The following TP53BP1 variants were observed in gnomAD, a reference collection of about 807,000 sequenced individuals.
TP53BP1 encodes the protein tumor protein p53 binding protein 1, also known as TP53-binding protein 1.
A neutral mutation model predicts 200.8 loss-of-function variants in TP53BP1; 61 were observed. That is an observed-to-expected ratio of 0.30 (90% CI 0.25 to 0.38). The LOEUF is 0.38. Ranked by LOEUF, TP53BP1 falls within the 10% of genes least tolerant of loss-of-function variation. The pLI, the probability that TP53BP1 is intolerant of heterozygous loss-of-function variation, is 1.00. For missense variants in TP53BP1, 2,144 were observed against 2,371.9 expected, an observed-to-expected ratio of 0.90 and a Z score of 2.00; for synonymous variants, 822 against 844.3, an observed-to-expected ratio of 0.97 and a Z score of 0.46.
At chr15:43,494,257 G>A (rs963688573), upstream of TP53BP1, among the ~76,000 whole-genome samples, 2 of 152,080 alleles carry the variant, frequency 1.3e-5, no homozygotes, top group Non-Finnish European at 2.9e-5. Flanking sequence ...GATTTATTTC[G>A]GCACAGCCCA....
intron 10 of TP53BP1, among the ~76,000 whole-genome samples, chr15:43,471,570 G>A (rs1270048414): frequency 1.3e-5 from 2 of 151,952 alleles, no homozygotes; most frequent in African/African-American, 4.8e-5. Context: ...GGGATTACAG[G>A]CACCCGCCAC....
At chr15:43,502,617 A>ATTTTTT (rs776534479) in intron 1 of TP53BP1, among the ~76,000 whole-genome samples, 1 of 137,974 alleles carries the variant, frequency 7.2e-6, no homozygotes, top group Non-Finnish European at 1.6e-5. Context: ...ACCACGACCT[A>ATTTTTT]TTTTTTTTTT....
At chr15:43,459,949 G>A (rs751653843) in intron 11 of TP53BP1, among the ~76,000 whole-genome samples, 2 of 152,154 alleles carry the variant, frequency 1.3e-5, no homozygotes, top group Non-Finnish European at 2.9e-5. Context: ...GCGGGAGAAG[G>A]GAGTATACTG....
Position 43,456,050 on chromosome 15 carries a change from T to TGGA in TP53BP1, c.2557_2558insTCC (p.Asp852_Gln853insLeu), listed in dbSNP as rs1422961964. 2 of 1,614,214 alleles carry TGGA rather than the reference T, an allele frequency of 1.2e-6. No individual in the cohort carries two copies. The highest frequency in any genetic ancestry group is 1.7e-6 in the Non-Finnish European group (2 of 1,180,040). On this transcript the variant is annotated inframe_insertion, in exon 12 of 28. Transcript: ENST00000382044. The stretch of plus-strand genomic sequence containing the variant: ...CTGAGTTTGGGGCTGCTGCAACTCC[T>TGGA]GGTCAAGTCTTAAAGGATCATCTGC...
chr15:43,450,616 A>G (rs2046143794), intron 12 of TP53BP1, among the ~76,000 whole-genome samples: 1 of 152,194 alleles, frequency 6.6e-6, no homozygotes, highest in Admixed American at 6.5e-5. Context: ...TCTGTGTTGA[A>G]CAAGATTGGG....
intron 1 of TP53BP1, among the ~76,000 whole-genome samples, chr15:43,501,350 A>G (rs1211553935): frequency 6.6e-6 from 1 of 151,608 alleles, no homozygotes; most frequent in Non-Finnish European, 1.5e-5. Flanking sequence ...CGGGGCTGGG[A>G]CTACAGGTAT....
chr15:43,478,017 C>T (rs1327878161), intron 7 of TP53BP1, among the ~76,000 whole-genome samples: 1 of 152,176 alleles, frequency 6.6e-6, no homozygotes, highest in Non-Finnish European at 1.5e-5. Context: ...TTCATGCTTT[C>T]TAAGATTTCT....
intron 23 of TP53BP1, 147 bp downstream of exon 23, chr15:43,415,447 T>C (rs2045241697): frequency 8.6e-6 from 7 of 813,580 alleles, no homozygotes; most frequent in Non-Finnish European, 1.5e-5. Flanking sequence ...GAGCTGTCCC[T>C]GAATATCACC....
intron 1 of TP53BP1, among the ~76,000 whole-genome samples, chr15:43,510,188 G>C (rs897957643): frequency 1.3e-5 from 2 of 151,222 alleles, no homozygotes; most frequent in African/African-American, 4.9e-5. Flanking sequence ...AGGGGGGGAA[G>C]TAATACAACA....
chr15:43,408,275 C>T lies in TP53BP1; in HGVS notation c.5601-187G>A, dbSNP rs147527623. The T allele has an allele frequency of 1.7e-3, 1,006 of 575,144 alleles. 6 individuals carry two copies. The highest frequency in any genetic ancestry group is 0.016 in the African/African-American group (841 of 52,942). 35.6% of individuals were successfully genotyped at this position (575,144 alleles called of 1,614,324 possible). On this transcript the variant is annotated intron_variant, in intron 26 of 27. Coordinates refer to ENST00000382044, the MANE Select transcript of TP53BP1 (RefSeq NM_001141980.3). ...GTTGGATCTCTTGGGCCTGGGAGTT[C>T]GAGACCAGCCTGGGCAATGTGGTGA...
In TP53BP1 at chr15:43,456,344, G is replaced by A. The variant is rs745362536; in HGVS notation, c.2264C>T (p.Thr755Ile). The A allele has an allele frequency of 3.7e-6, 6 of 1,612,572 alleles. No homozygotes were observed. In the South Asian group the frequency reaches 6.6e-5, roughly 18 times the overall value. ...HKEQEAWEEA[T>I]SEDSSVVIVD... ...AATGACAACACTGGAGTCCTCTGAA[G>A]TAGCTTCTTCCCAAGCTTCCTGTTC... is the stretch of plus-strand genomic sequence containing the variant. Residue 755 changes from threonine (T) to isoleucine (I), a missense_variant, in exon 12 of 28, where the codon ACT becomes ATT. This residue lies in a region of TP53BP1 where 1,700 missense variants were observed against 1,710.3 expected (regional missense o/e 0.99). Transcript: ENST00000382044.
chr15:43,415,057 G>A (rs901130915), intron 23 of TP53BP1, among the ~76,000 whole-genome samples: 2 of 152,130 alleles, frequency 1.3e-5, no homozygotes, highest in African/African-American at 4.8e-5. Flanking sequence ...GCACAAGAGA[G>A]AGGGGAGCAG....
chr15:43,451,884 C>A (rs560526108), intron 12 of TP53BP1, among the ~76,000 whole-genome samples: 1 of 152,102 alleles, frequency 6.6e-6, no homozygotes, highest in African/African-American at 2.4e-5. Context: ...CCTGTAATCC[C>A]GGCACTTTGA....
At chr15:43,510,345 T>A (rs1328507237) in intron 1 of TP53BP1, 2 of 152,460 alleles carry the variant, frequency 1.3e-5, no homozygotes, top group African/African-American at 2.4e-5. Flanking sequence ...GCCAGCCAAC[T>A]GCTATCTTCA....
Position 43,491,994 on chromosome 15 carries a change from C to T in TP53BP1, c.286+8G>A. ...TGCAAAGGGGACAGATAGCTTTAAA[C>T]ACCTCACCTGCAACCTTGTTTTCTT... is the stretch of plus-strand genomic sequence containing the variant. On this transcript the variant is annotated splice_region_variant and intron_variant, in intron 3 of 27. Transcript: ENST00000382044. 1 of 1,607,902 alleles carries T rather than the reference C, an allele frequency of 6.2e-7. No individual in the cohort carries two copies. Among genetic ancestry groups the T allele is most frequent in the South Asian group, 1.1e-5 (1 of 90,922 alleles).
At position 43,407,072 on chromosome 15, in the gene TP53BP1, T is replaced by TAA; in HGVS notation, c.*309_*310dup. The TAA allele has an allele frequency of 3.5e-6, 1 of 287,978 alleles. No homozygotes were observed. 17.8% of individuals were successfully genotyped at this position (287,978 alleles called of 1,614,324 possible). On this transcript the variant is annotated 3_prime_UTR_variant, in exon 28 of 28. Transcript: ENST00000382044. Reference sequence around the variant, plus strand: ...ACCTTTTGGGAATGATGCCACAGAATAAAGTTCACTCTTAACTTTTCAATT... The same window carrying TAA: ...ACCTTTTGGGAATGATGCCACAGAATAAAAAGTTCACTCTTAACTTTTCAATT...
chr15:43,481,782 T>A (rs1303885926), intron 4 of TP53BP1, among the ~76,000 whole-genome samples: 2 of 145,892 alleles, frequency 1.4e-5, no homozygotes, highest in African/African-American at 5.2e-5. Context: ...GCCACTGCAC[T>A]GCAGCCTGGT....
In TP53BP1 at chr15:43,491,683, T is replaced by C. The variant is rs2079124829; in HGVS notation, c.357A>G (p.Pro119=). 1 of 1,613,546 alleles carries C rather than the reference T, an allele frequency of 6.2e-7. No homozygotes were observed. The highest frequency in any genetic ancestry group is 8.5e-7 in the Non-Finnish European group (1 of 1,179,474). ...ACACTGTATACCTGCTTGTCCTGTT[T>C]GGCTGAGGTAACTGCTCAATGACCT... ...ISQVIEQLPQ[P]NRTSSVLGMS... Residue 119 remains proline (P), a synonymous_variant, in exon 4 of 28, where the codon CCA becomes CCG. Transcript: ENST00000382044.
At chr15:43,417,209 TATACA>T (rs2045286145) in intron 21 of TP53BP1, 1 of 150,238 alleles carries the variant, frequency 6.7e-6, no homozygotes, top group Non-Finnish European at 1.5e-5. Context: ...CCCACACACA[TATACA>T]ATACAAAAAC....
Sources: gnomAD v4.1 joint callset for allele counts (sites outside exome capture counted in the v4.1 genomes callset) on GRCh38, gnomAD v4.1.1 for gene constraint, gnomAD v4.1.1 regional missense constraint, MANE v1.5 for transcripts, NCBI Gene and HGNC (gene_info 2026-07-23, HGNC 2026-07-21) for gene names.